Variants in TRIB2 observed in about 807,000 individuals in gnomAD.
TRIB2 encodes the protein tribbles pseudokinase 2.
A neutral mutation model predicts 26.8 loss-of-function variants in TRIB2; 2 were observed. That is an observed-to-expected ratio of 0.07 (90% CI 0.03 to 0.24). The LOEUF (loss-of-function observed/expected upper bound fraction) is 0.24, where lower values mean the gene tolerates loss of function less well. Ranked by LOEUF, TRIB2 falls within the 10% of genes least tolerant of loss-of-function variation. TRIB2 has a pLI of 1.00. For missense variants in TRIB2, 306 were observed against 449.0 expected, an observed-to-expected ratio of 0.68 and a Z score of 2.88; for synonymous variants, 189 against 187.3, an observed-to-expected ratio of 1.01 and a Z score of -0.08.
chr2:12,734,039 C>T (rs2103257135), intron 2 of TRIB2, among the ~76,000 whole-genome samples: 2 of 152,222 alleles, frequency 1.3e-5, no homozygotes, highest in South Asian at 4.2e-4. Flanking sequence ...AGTACACAGG[C>T]TGCCCACGTG....
At chr2:12,739,350 C>T (rs556108344) in intron 2 of TRIB2, among the ~76,000 whole-genome samples, 19 of 152,286 alleles carry the variant, frequency 1.2e-4, no homozygotes, top group Non-Finnish European at 2.2e-4. Flanking sequence ...ACCTCCGCCT[C>T]CCGGGTTCAA....
rs531920232 is a variant in TRIB2 at position 12,718,414 on chromosome 2, G to A, written c.107G>A (p.Ser36Asn). The change falls in exon 1 of 3, where the codon AGC becomes AAC. Residue 36 changes from serine to asparagine, a missense_variant. By Grantham distance (46) the Ser-to-Asn change is conservative. Around this residue, in one of 4 missense-constraint regions of TRIB2, gnomAD observed 99 missense variants for 106.5 expected, o/e 0.93. Transcript: ENST00000155926. This position sits in a 1 kb window ranked among gnomAD's most constrained non-coding sequence, Gnocchi z 4.0. ...TCGTCTATAAGGTCCGCGGAGCCCA[G>A]CCAGAGTTTCAGCCCGAACCTCGGC... ...ELSSIRSAEP[S>N]QSFSPNLGSP... is the part of the protein sequence containing the mutation. The A allele has an allele frequency of 6.2e-7, 1 of 1,614,232 alleles. No homozygotes were observed. Among genetic ancestry groups the A allele is most frequent in the South Asian group, 1.1e-5 (1 of 91,086 alleles).
rs1286021559 is a variant in TRIB2, at chr2:12,718,317, C to CAT, written c.11_12insTA (p.Arg5ThrfsTer8). 1 of 1,613,912 alleles carries CAT rather than the reference C, an allele frequency of 6.2e-7. No homozygotes were observed. Among genetic ancestry groups the CAT allele is most frequent in the Non-Finnish European group, 8.5e-7 (1 of 1,179,780 alleles). ...TGCGATCCTCACACTCATGAACATA[C>CAT]ACAGGTCTACCCCCATCACAATAGC... On this transcript the variant is annotated frameshift_variant, in exon 1 of 3. Transcript: ENST00000155926. LOFTEE classifies it high-confidence loss of function. This position sits in a 1 kb window ranked among gnomAD's most constrained non-coding sequence, Gnocchi z 4.0.
At position 12,718,319 on chromosome 2, in the gene TRIB2, C is replaced by A. The variant is rs1219495867; in HGVS notation, c.12C>A (p.His4Gln). The change falls in exon 1 of 3, where the codon CAC becomes CAA. Residue 4 changes from histidine to glutamine, a missense_variant. By Grantham distance (24) the His-to-Gln change is conservative. Transcript: ENST00000155926. The surrounding 1 kb of genome is among the most constrained non-coding windows in gnomAD (Gnocchi z 4.0). MNI[H>Q]RSTPITIARY... is the part of the protein sequence containing the mutation. ...CGATCCTCACACTCATGAACATACA[C>A]AGGTCTACCCCCATCACAATAGCGA... 6.2e-7 allele frequency: 1 copy of A among 1,613,888 alleles called. No homozygotes were observed. The highest frequency in any genetic ancestry group is 1.1e-5 in the South Asian group (1 of 91,080).
chr2:12,740,953 C>T lies in TRIB2; in HGVS notation c.*159C>T. Reference sequence around the variant, plus strand: ...GAAAACCTTCAAGGAGCTGACTGACCACGTAGCATGGGGGCAAGAGGCGTG... The same window carrying T: ...GAAAACCTTCAAGGAGCTGACTGACTACGTAGCATGGGGGCAAGAGGCGTG... On this transcript the variant is annotated 3_prime_UTR_variant, in exon 3 of 3. Coordinates refer to ENST00000155926, the MANE Select transcript of TRIB2 (RefSeq NM_021643.4). This position sits in a 1 kb window ranked among gnomAD's most constrained non-coding sequence, Gnocchi z 5.8. 1.4e-6 allele frequency: 1 copy of T among 689,892 alleles called. No individual in the cohort carries two copies. Among genetic ancestry groups the T allele is most frequent in the Non-Finnish European group, 2.4e-6 (1 of 419,154 alleles). The allele number at this position is 689,892 out of a possible 1,614,324, so 42.7% of individuals were successfully genotyped here. A position where few individuals can be genotyped will look rare whatever the true frequency, so the allele number is the denominator to read the frequency against.
rs1166734262 is a variant in TRIB2 at position 12,740,289 on chromosome 2, C to T, written c.564-37C>T. On this transcript the variant is annotated intron_variant, in intron 2 of 2. Transcript: ENST00000155926. The surrounding 1 kb of genome is among the most constrained non-coding windows in gnomAD (Gnocchi z 5.8). ...ATGCTGGTGGTAACGTGTCTCTGAG[C>T]ACCCTCAGGAGCTTATGTTTTCCTC... is the stretch of plus-strand genomic sequence containing the variant. 15 of 1,586,340 alleles carry T rather than the reference C, an allele frequency of 9.5e-6. No individual in the cohort carries two copies. The highest frequency in any genetic ancestry group is 1.3e-5 in the African/African-American group (1 of 74,112).
rs1030820012 is a variant in TRIB2, at chr2:12,719,295, C to A, written c.270+718C>A. On this transcript the variant is annotated intron_variant, in intron 1 of 2. Transcript: ENST00000155926. ...GTGCCCCCCTGAACAACACCTTTGC[C>A]TGTAAGGTTAAGAGGCTCCCGTTTG... Among the ~76,000 whole-genome samples the A allele has an allele frequency of 2.0e-5, 3 of 152,080 alleles. No individual in the cohort carries two copies. In the East Asian group the frequency reaches 5.8e-4, roughly 29 times the overall value.
chr2:12,719,629 T>A (rs769293016), intron 1 of TRIB2, among the ~76,000 whole-genome samples: 16 of 151,132 alleles, frequency 1.1e-4, no homozygotes, highest in Non-Finnish European at 2.9e-5. Flanking sequence ...CATTCTGCCT[T>A]TGAAATGGTC....
Position 12,740,254 on chromosome 2 carries a change from T to G in TRIB2, c.564-72T>G. Reference sequence around the variant, plus strand: ...GAGTCTTCAGAAACACTATAGTCGGTTATGTTATGATGCTGGTGGTAACGT... The same window carrying G: ...GAGTCTTCAGAAACACTATAGTCGGGTATGTTATGATGCTGGTGGTAACGT... On this transcript the variant is annotated intron_variant, in intron 2 of 2. Coordinates refer to ENST00000155926, the MANE Select transcript of TRIB2 (RefSeq NM_021643.4). This position sits in a 1 kb window ranked among gnomAD's most constrained non-coding sequence, Gnocchi z 5.8. 6 of 1,380,426 alleles carry G rather than the reference T, an allele frequency of 4.3e-6. No individual in the cohort carries two copies. The highest frequency in any genetic ancestry group is 6.1e-6 in the Non-Finnish European group (6 of 990,122). The allele number at this position is 1,380,426 out of a possible 1,614,324, so 85.5% of individuals were successfully genotyped here.
At position 12,718,276 on chromosome 2, in the gene TRIB2, T is replaced by A; in HGVS notation, c.-32T>A. 1 of 1,591,252 alleles carries A rather than the reference T, an allele frequency of 6.3e-7. No individual in the cohort carries two copies. Among genetic ancestry groups the A allele is most frequent in the Non-Finnish European group, 8.6e-7 (1 of 1,166,748 alleles). On this transcript the variant is annotated 5_prime_UTR_variant, in exon 1 of 3. Transcript: ENST00000155926. The surrounding 1 kb of genome is among the most constrained non-coding windows in gnomAD (Gnocchi z 4.0). ...AGCGACTCATCTCTCCAGCGGGTTT[T>A]TTTTTGTTTGTCGTGTGCGATCCTC...
chr2:12,735,699 C>G (rs1335081394), intron 2 of TRIB2, among the ~76,000 whole-genome samples: 1 of 152,114 alleles, frequency 6.6e-6, no homozygotes, highest in Non-Finnish European at 1.5e-5. Context: ...ATTTTCAAGG[C>G]CTGATCTTGA....
Position 12,742,365 on chromosome 2 carries a change from C to T in TRIB2, c.*1571C>T, listed in dbSNP as rs1399269661. The T allele has an allele frequency of 6.6e-6, 1 of 152,618 alleles. No individual in the cohort carries two copies. The highest frequency in any genetic ancestry group is 1.5e-5 in the Non-Finnish European group (1 of 68,046). The allele number at this position is 152,618 out of a possible 1,614,324, so 9.5% of individuals were successfully genotyped here. A position where few individuals can be genotyped will look rare whatever the true frequency, so the allele number is the denominator to read the frequency against. On this transcript the variant is annotated 3_prime_UTR_variant, in exon 3 of 3. Coordinates refer to ENST00000155926, the MANE Select transcript of TRIB2 (RefSeq NM_021643.4). ...ATCTGTGCTTCATAATAGTGTGTGG[C>T]ATGTATGTGCAGACTCTTGGATGCT...
chr2:12,730,410 G>A (rs1443423026), intron 2 of TRIB2, among the ~76,000 whole-genome samples: 1 of 152,122 alleles, frequency 6.6e-6, no homozygotes, highest in African/African-American at 2.4e-5. Context: ...GTAAAATACC[G>A]TCTCTTATGC....
chr2:12,738,625 C>T (rs927803738), intron 2 of TRIB2, among the ~76,000 whole-genome samples: 2 of 152,164 alleles, frequency 1.3e-5, no homozygotes, highest in African/African-American at 2.4e-5. Flanking sequence ...ATTTTGAGCA[C>T]GGGAAGGTAG....
Position 12,717,356 on chromosome 2 carries a change from C to T in TRIB2, c.-952C>T, listed in dbSNP as rs1326329844. ...AGCGCCCGCAGGACCCCCGCAAGCTCGTGCCGGCGAAATCGGAGACCGCCG... is the reference window on the plus strand; with the variant it reads ...AGCGCCCGCAGGACCCCCGCAAGCTTGTGCCGGCGAAATCGGAGACCGCCG... On this transcript the variant is annotated 5_prime_UTR_variant, in exon 1 of 3. Transcript: ENST00000155926. This position sits in a 1 kb window ranked among gnomAD's most constrained non-coding sequence, Gnocchi z 4.8. 5 of 398,336 alleles carry T rather than the reference C, an allele frequency of 1.3e-5. No individual in the cohort carries two copies. Among genetic ancestry groups the T allele is most frequent in the African/African-American group, 1.0e-4 (5 of 48,616 alleles). 24.7% of individuals were successfully genotyped at this position (398,336 alleles called of 1,614,324 possible).
Position 12,718,234 on chromosome 2 carries a change from C to T in TRIB2, c.-74C>T. On this transcript the variant is annotated 5_prime_UTR_variant, in exon 1 of 3. Transcript: ENST00000155926. The surrounding 1 kb of genome is among the most constrained non-coding windows in gnomAD (Gnocchi z 4.0). ...TTTAAAATCAGTGGCACCGAGGCGC[C>T]TGCAGCCGCACTCGCCAGCGACTCA... 6.5e-7 allele frequency: 1 copy of T among 1,546,630 alleles called. No individual in the cohort carries two copies. Among genetic ancestry groups the T allele is most frequent in the Non-Finnish European group, 8.7e-7 (1 of 1,144,590 alleles).
At chr2:12,719,579 T>TG (rs1661146557) in intron 1 of TRIB2, among the ~76,000 whole-genome samples, 1 of 147,854 alleles carries the variant, frequency 6.8e-6, no homozygotes, top group Admixed American at 6.7e-5. Flanking sequence ...GCTGACTGTT[T>TG]TTTTTTTTTT....
At chr2:12,736,533 T>C (rs2103258649) in intron 2 of TRIB2, among the ~76,000 whole-genome samples, 1 of 152,262 alleles carries the variant, frequency 6.6e-6, no homozygotes, top group South Asian at 2.1e-4. Context: ...TCTGTAGAGC[T>C]CTCATTGACT....
chr2:12,740,485 G>T lies in TRIB2; in HGVS notation c.723G>T (p.Gly241=). The T allele has an allele frequency of 1.2e-6, 2 of 1,614,152 alleles. No individual in the cohort carries two copies. The highest frequency in any genetic ancestry group is 1.7e-6 in the Non-Finnish European group (2 of 1,180,030). ...AAGCAGCCGACGTGTGGAGCCTGGG[G>T]GTGATGCTGTACACCATGTTGGTGG... ...SGKAADVWSL[G]VMLYTMLVGR... Residue 241 remains glycine (G), a synonymous_variant, in exon 3 of 3, where the codon GGG becomes GGT. Coordinates refer to ENST00000155926, the MANE Select transcript of TRIB2 (RefSeq NM_021643.4). The surrounding 1 kb of genome is among the most constrained non-coding windows in gnomAD (Gnocchi z 5.8).
Sources: allele counts gnomAD v4.1 joint callset (sites outside exome capture counted in the v4.1 genomes callset), GRCh38; gene constraint gnomAD v4.1.1; regional missense constraint gnomAD v4.1.1; non-coding constraint Gnocchi (gnomAD v3.1); transcripts MANE v1.5; gene names NCBI Gene and HGNC (gene_info 2026-07-23, HGNC 2026-07-21).